Variants in DAPL1 observed in about 807,000 individuals in gnomAD.
DAPL1 encodes death associated protein like 1, also known as death-associated protein-like 1.
A neutral mutation model predicts 12.9 loss-of-function variants in DAPL1; 17 were observed. The observed-to-expected ratio is 1.32, with a 90% CI of 0.90 to 1.98. The LOEUF is 1.98. DAPL1 is among the 30% of genes most tolerant of loss of function. DAPL1 has a pLI of 0.00. For missense variants in DAPL1, 157 were observed against 125.7 expected (o/e 1.25, Z -1.19); for synonymous variants, 51 against 42.0 (o/e 1.21, Z -0.82).
intron 1 of DAPL1, among the ~76,000 whole-genome samples, chr2:158,798,357 G>T (rs922265461): frequency 6.6e-6 from 1 of 152,186 alleles, no homozygotes; most frequent in African/African-American, 2.4e-5. Context: ...CACTCCAAAG[G>T]CTTGAATCTC....
intron 3 of DAPL1, among the ~76,000 whole-genome samples, chr2:158,812,436 G>A (rs900567592): frequency 6.6e-5 from 10 of 152,244 alleles, no homozygotes; most frequent in African/African-American, 2.4e-4. Context: ...TTGCTGGTGG[G>A]AATGTAAAAT....
At chr2:158,803,228 G>A (rs1451389165) in intron 1 of DAPL1, among the ~76,000 whole-genome samples, 1 of 152,208 alleles carries the variant, frequency 6.6e-6, no homozygotes, top group Non-Finnish European at 1.5e-5. Flanking sequence ...GAAAATAATT[G>A]TAGGAGGGAG....
At chr2:158,807,203 G>C (rs2059207804) in intron 3 of DAPL1, 88 bp downstream of exon 3, 4 of 993,860 alleles carry the variant, frequency 4.0e-6, no homozygotes, top group Admixed American at 4.5e-5. Context: ...GACCACTGAG[G>C]TTTTTTCCAA....
chr2:158,797,716 A>C (rs1474578740), intron 1 of DAPL1, among the ~76,000 whole-genome samples: 1 of 151,998 alleles, frequency 6.6e-6, no homozygotes, highest in Non-Finnish European at 1.5e-5. Context: ...GCTTGAACCC[A>C]GGAGGCAGAG....
chr2:158,805,142 C>T (rs1381374092), intron 2 of DAPL1, among the ~76,000 whole-genome samples: 2 of 152,154 alleles, frequency 1.3e-5, no homozygotes, highest in Non-Finnish European at 1.5e-5. Context: ...CCAGGCACCT[C>T]CATAAGAGTT....
chr2:158,800,375 T>C (rs995971759), intron 1 of DAPL1, among the ~76,000 whole-genome samples: 2 of 152,204 alleles, frequency 1.3e-5, no homozygotes, highest in African/African-American at 4.8e-5. Flanking sequence ...TGTACCTTTC[T>C]AGAACTCTTA....
intron 1 of DAPL1, among the ~76,000 whole-genome samples, chr2:158,799,529 G>C (rs1291171935): frequency 2.0e-5 from 3 of 152,002 alleles, no homozygotes; most frequent in African/African-American, 7.3e-5. Context: ...TGTGATCAGT[G>C]TTCCCAGCAG....
intron 3 of DAPL1, among the ~76,000 whole-genome samples, chr2:158,815,038 T>C (rs1380149149): frequency 2.0e-5 from 3 of 152,230 alleles, no homozygotes; most frequent in Non-Finnish European, 4.4e-5. Flanking sequence ...ATATGAAATG[T>C]CTCTTATTGT....
At chr2:158,799,062 A>T (rs1005761045) in intron 1 of DAPL1, among the ~76,000 whole-genome samples, 1 of 152,212 alleles carries the variant, frequency 6.6e-6, no homozygotes, top group Non-Finnish European at 1.5e-5. Context: ...GTATTTTTAA[A>T]AATTTATAAA....
At chr2:158,803,934 T>C (rs895498587) in intron 1 of DAPL1, among the ~76,000 whole-genome samples, 1 of 152,206 alleles carries the variant, frequency 6.6e-6, no homozygotes, top group African/African-American at 2.4e-5. Flanking sequence ...TGTCGGTTGC[T>C]ATTGTGGGGA....
At chr2:158,800,404 C>T (rs1159655870) in intron 1 of DAPL1, among the ~76,000 whole-genome samples, 1 of 152,176 alleles carries the variant, frequency 6.6e-6, no homozygotes, top group African/African-American at 2.4e-5. Context: ...TCTTCGTTCT[C>T]ACCTCTGGAA....
intron 1 of DAPL1, among the ~76,000 whole-genome samples, chr2:158,800,617 C>T (rs2059162093): frequency 6.6e-6 from 1 of 152,164 alleles, no homozygotes; most frequent in South Asian, 2.1e-4. Flanking sequence ...CCCTACATAA[C>T]ATTTCCTCAC....
intron 3 of DAPL1, among the ~76,000 whole-genome samples, chr2:158,809,209 T>C (rs1204992956): frequency 2.6e-5 from 4 of 151,550 alleles, no homozygotes; most frequent in African/African-American, 9.7e-5. Flanking sequence ...AATACAAAAA[T>C]TAGCCTGGCG....
At chr2:158,808,352 T>C (rs976392977) in intron 3 of DAPL1, among the ~76,000 whole-genome samples, 1 of 152,158 alleles carries the variant, frequency 6.6e-6, no homozygotes, top group Non-Finnish European at 1.5e-5. Flanking sequence ...GTGTGTATAA[T>C]GGAGGTAAGG....
chr2:158,815,615 C>T (rs1334026321), intron 3 of DAPL1, 90 bp from the exon 4 acceptor site: 1 of 828,788 alleles, frequency 1.2e-6, no homozygotes, highest in Non-Finnish European at 2.1e-6. Context: ...GTGAGATTCC[C>T]TTGATCAACG....
intron 1 of DAPL1, among the ~76,000 whole-genome samples, chr2:158,802,738 G>A (rs1049561740): frequency 1.3e-5 from 2 of 152,248 alleles, no homozygotes; most frequent in East Asian, 1.9e-4. Context: ...TAATGGAATT[G>A]TTTCTAATAA....
intron 1 of DAPL1, among the ~76,000 whole-genome samples, chr2:158,797,475 T>A (rs2059140336): frequency 6.6e-6 from 1 of 152,148 alleles, no homozygotes; most frequent in Non-Finnish European, 1.5e-5. Context: ...AAAAAATATG[T>A]GCCTATCCCA....
chr2:158,807,369 G>A (rs1369975732), intron 3 of DAPL1, among the ~76,000 whole-genome samples: 2 of 152,228 alleles, frequency 1.3e-5, no homozygotes, highest in Non-Finnish European at 2.9e-5. Context: ...ATGATGGTGA[G>A]TTTGCAGAAT....
At chr2:158,797,629 TA>T (rs1445494607) in intron 1 of DAPL1, among the ~76,000 whole-genome samples, 14 of 151,932 alleles carry the variant, frequency 9.2e-5, no homozygotes, top group African/African-American at 3.4e-4. Context: ...CCATCTCTAT[TA>T]AAAATACAAA....
Sources: allele counts gnomAD v4.1 joint callset (sites outside exome capture counted in the v4.1 genomes callset), GRCh38; gene constraint gnomAD v4.1.1; transcripts MANE v1.5; gene names NCBI Gene and HGNC (gene_info 2026-07-23, HGNC 2026-07-21).